The following NT5C2 variants were observed in gnomAD, a reference collection of about 807,000 sequenced individuals.
NT5C2 encodes the protein 5'-nucleotidase, cytosolic II.
NT5C2 carries 58 observed loss-of-function variants against 76.1 expected under a neutral mutation model. The observed-to-expected ratio is 0.76, with a 90% CI of 0.62 to 0.95. NT5C2 has a LOEUF of 0.95. Among genes scored for constraint, NT5C2 ranks in the 40% least tolerant of loss-of-function variants. The pLI, the probability that NT5C2 is intolerant of heterozygous loss-of-function variation, is 0.00. For synonymous variants in NT5C2, 229 were observed against 237.4 expected, an observed-to-expected ratio of 0.96 and a Z score of 0.32; for missense variants, 478 against 690.3, an observed-to-expected ratio of 0.69 and a Z score of 3.45.
intron 4 of NT5C2, among the ~76,000 whole-genome samples, chr10:103,131,788 G>A (rs2078217587): frequency 6.6e-6 from 1 of 152,130 alleles, no homozygotes; most frequent in Non-Finnish European, 1.5e-5. Flanking sequence ...TGGGCATGGT[G>A]GCTTGCACCT....
At chr10:103,184,152 G>C (rs374196857) in intron 1 of NT5C2, among the ~76,000 whole-genome samples, 1 of 151,448 alleles carries the variant, frequency 6.6e-6, no homozygotes, top group African/African-American at 2.4e-5. Flanking sequence ...GGGTTTCACC[G>C]TGTTGGTTAG....
intron 4 of NT5C2, among the ~76,000 whole-genome samples, chr10:103,128,200 C>T (rs1033139713): frequency 4.1e-5 from 6 of 147,370 alleles, no homozygotes; most frequent in Admixed American, 6.7e-5. Context: ...CTCAGCCTGC[C>T]GAGTGCCTGC....
At chr10:103,102,548 A>G (rs2070034818) in intron 6 of NT5C2, among the ~76,000 whole-genome samples, 1 of 149,592 alleles carries the variant, frequency 6.7e-6, no homozygotes, top group African/African-American at 2.5e-5. Flanking sequence ...TTTTTTTGAG[A>G]CAGAGTCTCA....
At chr10:103,151,151 A>C (rs2082328998) in intron 3 of NT5C2, among the ~76,000 whole-genome samples, 1 of 152,098 alleles carries the variant, frequency 6.6e-6, no homozygotes, top group Non-Finnish European at 1.5e-5. Context: ...CAGTTGTTCC[A>C]GTACATTTGT....
chr10:103,116,587 C>CT (rs11451961), intron 4 of NT5C2, among the ~76,000 whole-genome samples: 36,691 of 126,078 alleles, frequency 0.29, 5,420 homozygotes, highest in Middle Eastern at 0.35. Flanking sequence ...TTTTTTTTTT[C>CT]TTTTTTTTTT....
intron 4 of NT5C2, among the ~76,000 whole-genome samples, chr10:103,124,806 G>C (rs1190443158): frequency 1.3e-5 from 2 of 150,884 alleles, no homozygotes; most frequent in African/African-American, 4.9e-5. Flanking sequence ...TCTAGAGTAA[G>C]GATAAAAGTA....
intron 3 of NT5C2, among the ~76,000 whole-genome samples, chr10:103,156,510 T>C (rs1008591995): frequency 2.6e-5 from 4 of 151,918 alleles, no homozygotes; most frequent in African/African-American, 9.7e-5. Context: ...ATCCCAGCAC[T>C]TTGGGAGGCC....
chr10:103,127,633 A>G (rs1043125871), intron 4 of NT5C2, among the ~76,000 whole-genome samples: 2 of 152,190 alleles, frequency 1.3e-5, no homozygotes, highest in African/African-American at 4.8e-5. Flanking sequence ...TCTTTTAACA[A>G]ACTACTCTCA....
intron 3 of NT5C2, among the ~76,000 whole-genome samples, chr10:103,154,133 G>A (rs956933551): frequency 3.3e-5 from 5 of 152,120 alleles, no homozygotes; most frequent in Non-Finnish European, 7.4e-5. Flanking sequence ...AATGCATAGG[G>A]ATTATGCAAC....
At chr10:103,096,448 G>A (rs1233060419) in intron 11 of NT5C2, among the ~76,000 whole-genome samples, 2 of 152,156 alleles carry the variant, frequency 1.3e-5, no homozygotes, top group Non-Finnish European at 2.9e-5. Context: ...CTTCTTGCCA[G>A]TACTATAAAT....
At chr10:103,175,342 T>C (rs2089569890) in intron 2 of NT5C2, among the ~76,000 whole-genome samples, 1 of 152,148 alleles carries the variant, frequency 6.6e-6, no homozygotes, top group African/African-American at 2.4e-5. Context: ...AAAATGTGTG[T>C]AGTAGGCAAA....
At position 103,135,645 on chromosome 10, in the gene NT5C2, G is replaced by A. The variant is rs145886638; in HGVS notation, c.175+3761C>T. 8.8e-3 allele frequency among the ~76,000 whole-genome samples: 1,330 copies of A among 151,888 alleles called. 18 individuals are homozygous for A. Among genetic ancestry groups the A allele is most frequent in the African/African-American group, 0.03 (1,261 of 41,432 alleles). ...TCTACTAAAAATACAAAAATTAGCC[G>A]GGCATAGTGGCAGGCACCTGTAATC... On this transcript the variant is annotated intron_variant, in intron 4 of 18. Transcript: ENST00000404739.
chr10:103,088,718 C>T lies in NT5C2; in HGVS notation c.*954G>A, dbSNP rs1205795476. 5.6e-6 allele frequency: 1 copy of T among 178,194 alleles called. No individual in the cohort carries two copies. The highest frequency in any genetic ancestry group is 1.2e-5 in the Non-Finnish European group (1 of 83,008). 11.0% of individuals were successfully genotyped at this position (178,194 alleles called of 1,614,324 possible). A position where few individuals can be genotyped will look rare whatever the true frequency, so the allele number is the denominator to read the frequency against. The stretch of plus-strand genomic sequence containing the variant: ...TGAGATTCTGAAGTGAATTTATTCA[C>T]ACTGATTGTGCCCTCTACTTTAGTA... On this transcript the variant is annotated 3_prime_UTR_variant, in exon 19 of 19. Transcript: ENST00000404739.
chr10:103,091,468 C>T, intron 16 of NT5C2, 96 bp downstream of exon 16: 1 of 963,270 alleles, frequency 1.0e-6, no homozygotes. Context: ...GCCTCAGCCT[C>T]CCAAATAGCT....
At chr10:103,113,764 G>A (rs764905056) in intron 4 of NT5C2, among the ~76,000 whole-genome samples, 1 of 152,162 alleles carries the variant, frequency 6.6e-6, no homozygotes, top group Non-Finnish European at 1.5e-5. Context: ...GAGACAAAAA[G>A]AGGACCAATC....
chr10:103,177,043 T>C (rs922927892), intron 2 of NT5C2, among the ~76,000 whole-genome samples: 1 of 152,134 alleles, frequency 6.6e-6, no homozygotes, highest in African/African-American at 2.4e-5. Flanking sequence ...CTGGTTTTAC[T>C]GTAACATTTG....
At chr10:103,128,199 C>T (rs1000369217) in intron 4 of NT5C2, among the ~76,000 whole-genome samples, 6 of 149,744 alleles carry the variant, frequency 4.0e-5, no homozygotes, top group Non-Finnish European at 7.5e-5. Context: ...CCTCAGCCTG[C>T]CGAGTGCCTG....
At chr10:103,138,051 T>A (rs149087924) in intron 4 of NT5C2, among the ~76,000 whole-genome samples, 5 of 152,254 alleles carry the variant, frequency 3.3e-5, no homozygotes, top group African/African-American at 1.2e-4. Context: ...ATGCCCCACA[T>A]CCTCATAAGG....
At chr10:103,158,651 T>C (rs2083994599) in intron 3 of NT5C2, among the ~76,000 whole-genome samples, 1 of 151,866 alleles carries the variant, frequency 6.6e-6, no homozygotes. Flanking sequence ...ACCCTGTCTC[T>C]ACTAAAAATA....
Sources: gnomAD v4.1 joint callset for allele counts (sites outside exome capture counted in the v4.1 genomes callset) on GRCh38, gnomAD v4.1.1 for gene constraint, MANE v1.5 for transcripts, NCBI Gene and HGNC (gene_info 2026-07-23, HGNC 2026-07-21) for gene names.